ZNF430: variants seen among roughly 807,000 people sequenced by gnomAD.
The protein encoded by ZNF430 is zinc finger protein 430.
In ZNF430, 35 loss-of-function variants were observed where a neutral mutation model predicts 56.7. The observed-to-expected ratio is 0.62, with a 90% confidence interval of 0.47 to 0.82. The LOEUF (loss-of-function observed/expected upper bound fraction) is 0.82. Among genes scored for constraint, ZNF430 ranks in the 40% least tolerant of loss-of-function variants. The probability of loss-of-function intolerance (pLI) is 0.00; values close to 1 mark genes in which losing one functional copy is unlikely to be tolerated. For missense variants in ZNF430, 574 were observed against 661.0 expected (o/e 0.87, Z 1.44); for synonymous variants, 212 against 224.3 (o/e 0.94, Z 0.49).
In ZNF430 at chr19:21,057,854, C is replaced by G. The variant is rs150512050; in HGVS notation, c.1546C>G (p.Leu516Val). 4 of 1,613,392 alleles carry G rather than the reference C, an allele frequency of 2.5e-6. No homozygotes were observed. Among genetic ancestry groups the G allele is most frequent in the South Asian group, 2.2e-5 (2 of 91,062 alleles). Residue 516 changes from leucine (L) to valine (V), a missense_variant, in exon 5 of 5, where the codon CTA (leucine) becomes GTA (valine). Leu to Val is a conservative substitution (Grantham distance 32). This residue lies in a region of ZNF430 where 213 missense variants were observed against 221.0 expected (regional missense o/e 0.96). Transcript: ENST00000261560. ...TATTGGAGATACATCTTACAAATAC[C>G]TAGAATGTGATAAAGCCTTTAGCCA... ...THIGDTSYKY[L>V]ECDKAFSQSS...
chr19:21,054,825 C>T (rs1968345112), intron 4 of ZNF430, among the ~76,000 whole-genome samples: 1 of 151,928 alleles, frequency 6.6e-6, no homozygotes, highest in Non-Finnish European at 1.5e-5. Context: ...CAGGCGCCCG[C>T]CACCACGCCC....
chr19:21,031,330 G>A (rs760796411), intron 2 of ZNF430, among the ~76,000 whole-genome samples: 1 of 152,138 alleles, frequency 6.6e-6, no homozygotes, highest in South Asian at 2.1e-4. Context: ...CCAGAATCAA[G>A]TATGAGGGCT....
intron 4 of ZNF430, among the ~76,000 whole-genome samples, chr19:21,037,266 CA>C (rs1238626975): frequency 6.6e-6 from 1 of 152,022 alleles, no homozygotes; most frequent in East Asian, 1.9e-4. Flanking sequence ...AGGCATGTGC[CA>C]CCATGCCCAG....
intron 2 of ZNF430, chr19:21,025,960 A>T (rs1168369711): frequency 2.4e-6 from 1 of 416,380 alleles, no homozygotes; most frequent in Non-Finnish European, 4.5e-6. Context: ...AGTGATCCAT[A>T]AACCTGGTCA....
chr19:21,021,101 G>T (rs1248426199), intron 1 of ZNF430, among the ~76,000 whole-genome samples: 1 of 152,200 alleles, frequency 6.6e-6, no homozygotes, highest in Non-Finnish European at 1.5e-5. Context: ...GACCACGGGA[G>T]GATCGTCACG....
intron 4 of ZNF430, among the ~76,000 whole-genome samples, chr19:21,050,008 G>A (rs997186302): frequency 4.6e-4 from 1 of 2,182 alleles, no homozygotes; most frequent in African/African-American, 1.8e-3. Flanking sequence ...TCAGCCTCCC[G>A]AGTAGCTGGG....
At chr19:21,053,326 C>T (rs140597366) in intron 4 of ZNF430, 56 of 152,208 alleles carry the variant, frequency 3.7e-4, no homozygotes, top group African/African-American at 1.3e-3. Context: ...CTGCTTAAAA[C>T]TAACGCACTT....
intron 4 of ZNF430, among the ~76,000 whole-genome samples, chr19:21,050,005 C>G (rs1223414819): frequency 4.8e-4 from 1 of 2,070 alleles, no homozygotes; most frequent in East Asian, 6.6e-3. Flanking sequence ...GCCTCAGCCT[C>G]CCGAGTAGCT....
intron 4 of ZNF430, among the ~76,000 whole-genome samples, chr19:21,050,005 C>A (rs1223414819): frequency 4.8e-4 from 1 of 2,070 alleles, no homozygotes; most frequent in African/African-American, 1.8e-3. Flanking sequence ...GCCTCAGCCT[C>A]CCGAGTAGCT....
intron 4 of ZNF430, chr19:21,036,663 C>T (rs1314959657): frequency 6.6e-6 from 1 of 151,898 alleles, no homozygotes; most frequent in African/African-American, 2.4e-5. Context: ...AATAGCCAGG[C>T]ATAGTGTTGT....
intron 4 of ZNF430, among the ~76,000 whole-genome samples, chr19:21,056,082 T>C (rs903804282): frequency 2.6e-5 from 4 of 152,244 alleles, no homozygotes; most frequent in Non-Finnish European, 5.9e-5. Context: ...TCACTCTCTA[T>C]GTTGTGCTCA....
In ZNF430 at chr19:21,058,103, T is replaced by C. The variant is rs548941923; in HGVS notation, c.*82T>C. 64 of 1,298,810 alleles carry C rather than the reference T, an allele frequency of 4.9e-5. No individual in the cohort carries two copies. The African/African-American group carries it at 7.5e-4, about 15-fold the overall frequency. 80.5% of individuals were successfully genotyped at this position (1,298,810 alleles called of 1,614,324 possible). A position where few individuals can be genotyped will look rare whatever the true frequency, so the allele number is the denominator to read the frequency against. ...ATACTGAAGAGGAACCCTATGAGTG[T>C]GAAGAATATGGCAAAGCCTTCAACA... On this transcript the variant is annotated 3_prime_UTR_variant, in exon 5 of 5. Transcript: ENST00000261560.
chr19:21,035,054 T>C (rs1967973258), intron 4 of ZNF430: 1 of 149,788 alleles, frequency 6.7e-6, no homozygotes, highest in South Asian at 2.1e-4. Context: ...TGAAGTTTAT[T>C]GTTGTTTCTT....
At chr19:21,052,219 C>T (rs1968295926) in intron 4 of ZNF430, among the ~76,000 whole-genome samples, 1 of 151,972 alleles carries the variant, frequency 6.6e-6, no homozygotes, top group Admixed American at 6.6e-5. Flanking sequence ...TTTGTTAAGA[C>T]TTCTTTTTTT....
chr19:21,051,152 G>T lies in ZNF430; in HGVS notation c.323-5479G>T, dbSNP rs192872949. Among the ~76,000 whole-genome samples, 154 of 152,260 alleles carry T rather than the reference G, an allele frequency of 1.0e-3. 1 individual carries two copies. Among genetic ancestry groups the T allele is most frequent in the African/African-American group, 3.2e-3 (132 of 41,562 alleles). ...ACATTAAACAAGAACCAATTTTTCT[G>T]ACTTTCTGGCACTTTGCAAGCACCA... On this transcript the variant is annotated intron_variant, in intron 4 of 4. Coordinates refer to ENST00000261560, the MANE Select transcript of ZNF430 (RefSeq NM_025189.4).
chr19:21,048,338 G>C (rs969285981), intron 4 of ZNF430, among the ~76,000 whole-genome samples: 2 of 150,416 alleles, frequency 1.3e-5, no homozygotes, highest in Admixed American at 6.7e-5. Context: ...GCGGCCTTCC[G>C]CAGTGTTTGT....
intron 2 of ZNF430, among the ~76,000 whole-genome samples, chr19:21,029,738 A>G (rs1477072268): frequency 6.6e-6 from 1 of 152,154 alleles, no homozygotes; most frequent in Non-Finnish European, 1.5e-5. Flanking sequence ...AGGCCGAGGC[A>G]GACAGATCAT....
intron 4 of ZNF430, chr19:21,036,496 C>G (rs557125400): frequency 7.6e-4 from 116 of 152,092 alleles, no homozygotes; most frequent in African/African-American, 2.7e-3. Context: ...GTTGTAAAAA[C>G]ACATAATATT....
At position 21,057,653 on chromosome 19, in the gene ZNF430, A is replaced by G. The variant is rs879090380; in HGVS notation, c.1345A>G (p.Ile449Val). 1 of 1,612,194 alleles carries G rather than the reference A, an allele frequency of 6.2e-7. No individual in the cohort carries two copies. The highest frequency in any genetic ancestry group is 8.5e-7 in the Non-Finnish European group (1 of 1,179,538). ...GTCCTCAAACCTTACTGCACATAAG[A>G]TAATTCATACTGGAGAGAAACCCTA... ...NESSNLTAHKIIHTGEKPYKC... is the reference protein window; with the variant it reads ...NESSNLTAHKVIHTGEKPYKC... Residue 449 changes from isoleucine to valine, a missense_variant, in exon 5 of 5, where the codon ATA (isoleucine) becomes GTA (valine). By Grantham distance (29) the Ile-to-Val change is conservative. Coordinates refer to ENST00000261560, the MANE Select transcript of ZNF430 (RefSeq NM_025189.4).
Sources: gnomAD v4.1 joint callset for allele counts (sites outside exome capture counted in the v4.1 genomes callset) on GRCh38, gnomAD v4.1.1 for gene constraint, gnomAD v4.1.1 regional missense constraint, MANE v1.5 for transcripts, NCBI Gene and HGNC (gene_info 2026-07-23, HGNC 2026-07-21) for gene names.